CELF2: variants seen among roughly 807,000 people sequenced by gnomAD.
CELF2 encodes the protein CUG triplet repeat RNA-binding protein 2.
Under a neutral mutation model 62.6 loss-of-function variants are expected in CELF2, and 8 were observed. That is an observed-to-expected ratio of 0.13 (90% confidence interval 0.07 to 0.23). The LOEUF is 0.23. CELF2 is among the 10% of genes least tolerant of loss of function. CELF2 has a pLI of 1.00. For missense variants in CELF2, 333 were observed against 671.0 expected (o/e 0.50, Z 5.56); for synonymous variants, 258 against 250.0 (o/e 1.03, Z -0.30).
chr10:10,698,080 A>G, the CELF2 span, among the ~76,000 whole-genome samples: 1 of 152,324 alleles, frequency 6.6e-6, no homozygotes, highest in East Asian at 1.9e-4. Flanking sequence ...TAACATATCA[A>G]TTGGGGGGTG....
chr10:11,142,867 C>G, intron 1 of CELF2, among the ~76,000 whole-genome samples: 1 of 152,138 alleles, frequency 6.6e-6, no homozygotes. Flanking sequence ...TCTGTCCTCC[C>G]TCCACTGGGG....
At chr10:10,935,542 C>T (rs922144617) in intron 2 of CELF2, 10 of 152,132 alleles carry the variant, frequency 6.6e-5, no homozygotes, top group African/African-American at 1.2e-4. Context: ...TGTTGAGCCA[C>T]GAGGACTTCA....
rs2140026478 is a variant in CELF2, at chr10:11,297,580, A to C, written c.976+9028A>C. ...TTGAGTTGGGGAGTGGGTTCTCCCC[A>C]GACTGGCTGCTTCACTGCAGTGGTT... is the stretch of plus-strand genomic sequence containing the variant. On this transcript the variant is annotated intron_variant, in intron 9 of 12. Coordinates refer to ENST00000633077, the MANE Select transcript of CELF2 (RefSeq NM_001326342.2). The surrounding 1 kb of genome is among the most constrained non-coding windows in gnomAD (Gnocchi z 4.4). Among the ~76,000 whole-genome samples, 1 of 152,322 alleles carries C rather than the reference A, an allele frequency of 6.6e-6. No individual in the cohort carries two copies. Among genetic ancestry groups the C allele is most frequent in the South Asian group, 2.1e-4 (1 of 4,822 alleles).
chr10:11,094,764 T>C (rs772926430), intron 1 of CELF2, among the ~76,000 whole-genome samples: 1 of 152,204 alleles, frequency 6.6e-6, no homozygotes, highest in Non-Finnish European at 1.5e-5. Context: ...AGGAAGAATA[T>C]GTCCCTGACA....
At chr10:11,148,117 A>AG (rs1280903762) in intron 1 of CELF2, among the ~76,000 whole-genome samples, 1 of 152,270 alleles carries the variant, frequency 6.6e-6, no homozygotes, top group African/African-American at 2.4e-5. Flanking sequence ...TTGATAAGGA[A>AG]GGGGCTCCTC....
At chr10:10,528,711 C>G in the CELF2 span, among the ~76,000 whole-genome samples, 1 of 152,188 alleles carries the variant, frequency 6.6e-6, no homozygotes, top group South Asian at 2.1e-4. Flanking sequence ...AGCAATACTT[C>G]TTTAAGATCT....
Position 11,131,897 on chromosome 10 carries a change from G to A in CELF2, c.75-33589G>A, listed in dbSNP as rs563651960. On this transcript the variant is annotated intron_variant, in intron 1 of 12. Coordinates refer to ENST00000633077, the MANE Select transcript of CELF2 (RefSeq NM_001326342.2). ...CTGCATTATAACATGTAATCAAAGAGTTGAGTTTCTGTTAATTCATAGAGA... is the reference window on the plus strand; with the variant it reads ...CTGCATTATAACATGTAATCAAAGAATTGAGTTTCTGTTAATTCATAGAGA... Among the ~76,000 whole-genome samples the A allele has an allele frequency of 6.6e-5, 10 of 152,316 alleles. No homozygotes were observed. In the South Asian group the frequency reaches 1.9e-3, roughly 28 times the overall value.
intron 8 of CELF2, among the ~76,000 whole-genome samples, chr10:11,284,419 GGTA>G: frequency 6.7e-6 from 1 of 149,386 alleles, no homozygotes; most frequent in African/African-American, 2.5e-5. Context: ...ATGACTGTGT[GGTA>G]GGTGGATGAT....
the CELF2 span, among the ~76,000 whole-genome samples, chr10:10,484,403 G>T: frequency 7.5e-6 from 1 of 133,276 alleles, no homozygotes; most frequent in Non-Finnish European, 1.6e-5. Flanking sequence ...TGCAACCTCT[G>T]CCCCCTGGGT....
In CELF2 at chr10:10,957,374, G is replaced by A. The variant is rs550605681; in HGVS notation, c.89+37375G>A. On this transcript the variant is annotated intron_variant, in intron 2 of 13. Coordinates refer to the CELF2 transcript ENST00000636488. The surrounding 1 kb of genome is among the most constrained non-coding windows in gnomAD (Gnocchi z 4.1). ...TCTCCTCTGGGATTCATTCGCTCTC[G>A]CTGAAGGATGATCTCAGATGCCTTC... is the stretch of plus-strand genomic sequence containing the variant. Among the ~76,000 whole-genome samples the A allele has an allele frequency of 7.2e-5, 11 of 152,246 alleles. No individual in the cohort carries two copies. Among genetic ancestry groups the A allele is most frequent in the Admixed American group, 3.9e-4 (6 of 15,296 alleles).
intron 2 of CELF2, among the ~76,000 whole-genome samples, chr10:11,168,449 C>T (rs1394548147): frequency 2.0e-5 from 3 of 152,168 alleles, no homozygotes; most frequent in African/African-American, 7.2e-5. Context: ...AGCAACAGCC[C>T]CCACTTTATT....
the CELF2 span, among the ~76,000 whole-genome samples, chr10:10,475,492 GTAATTTTC>G: frequency 1.4e-5 from 2 of 147,092 alleles, no homozygotes; most frequent in African/African-American, 5.0e-5. Flanking sequence ...AAAAAAAAAA[GTAATTTTC>G]TACTTCCAGA....
At chr10:10,912,897 T>C (rs1343226791) in intron 1 of CELF2, among the ~76,000 whole-genome samples, 1 of 152,230 alleles carries the variant, frequency 6.6e-6, no homozygotes, top group Non-Finnish European at 1.5e-5. Context: ...TTCTTTTGTC[T>C]CATTTTTCTC....
At position 11,242,932 on chromosome 10, in the gene CELF2, G is replaced by A. The variant is rs1055146014; in HGVS notation, c.355-6221G>A. Among the ~76,000 whole-genome samples the A allele has an allele frequency of 5.3e-5, 8 of 152,266 alleles. No homozygotes were observed. Among genetic ancestry groups the A allele is most frequent in the African/African-American group, 9.6e-5 (4 of 41,542 alleles). ...CTACCAGGGCGACAGGGACGGAGGCGCCGGTGGCAACTGGTGCTGGGTCAG... is the reference window on the plus strand; with the variant it reads ...CTACCAGGGCGACAGGGACGGAGGCACCGGTGGCAACTGGTGCTGGGTCAG... On this transcript the variant is annotated intron_variant, in intron 3 of 12. Transcript: ENST00000633077. This position sits in a 1 kb window ranked among gnomAD's most constrained non-coding sequence, Gnocchi z 4.8.
chr10:11,042,753 C>G (rs898212506), intron 1 of CELF2, among the ~76,000 whole-genome samples: 5 of 152,140 alleles, frequency 3.3e-5, no homozygotes, highest in African/African-American at 1.2e-4. Context: ...ACTGGATTTG[C>G]CTGTTACATG....
chr10:11,321,242 G>A lies in CELF2; in HGVS notation c.1150G>A (p.Gly384Ser), dbSNP rs1023644865. ...TCTGAATGGAGGACTTGGCGCCACA[G>A]GCTTGACGAATGGCACGGCTGGCAC... The part of the protein sequence containing the change: ...AALNGGLGAT[G>S]LTNGTAGTMD... The change falls in exon 11 of 13, where the codon GGC becomes AGC. Residue 384 changes from glycine (G) to serine (S), a missense_variant. Physicochemically the swap from Gly to Ser is moderately conservative, Grantham distance 56 (BLOSUM62 0). Around this residue, in one of 3 missense-constraint regions of CELF2, gnomAD observed 253 missense variants for 503.0 expected, o/e 0.50. Coordinates refer to ENST00000633077, the MANE Select transcript of CELF2 (RefSeq NM_001326342.2). The surrounding 1 kb of genome is among the most constrained non-coding windows in gnomAD (Gnocchi z 6.2). The A allele has an allele frequency of 3.1e-6, 5 of 1,614,098 alleles. No homozygotes were observed. The highest frequency in any genetic ancestry group is 2.2e-5 in the East Asian group (1 of 44,888).
chr10:10,849,763 TTCTA>T (rs1337606778), intron 1 of CELF2, among the ~76,000 whole-genome samples: 9 of 152,122 alleles, frequency 5.9e-5, no homozygotes, highest in Non-Finnish European at 1.3e-4. Flanking sequence ...ACCAAATAGT[TTCTA>T]TCTTTGTGCA....
intron 1 of CELF2, among the ~76,000 whole-genome samples, chr10:10,813,206 C>G (rs1439256146): frequency 1.3e-5 from 2 of 152,198 alleles, no homozygotes; most frequent in African/African-American, 4.8e-5. Context: ...AGCTGGAGCT[C>G]TAATGTAAAT....
chr10:10,669,075 C>T, the CELF2 span, among the ~76,000 whole-genome samples: 2 of 152,132 alleles, frequency 1.3e-5, no homozygotes, highest in Admixed American at 6.5e-5. Flanking sequence ...TATTTTTATA[C>T]CCACCTTATT....
Sources: allele counts gnomAD v4.1 joint callset (sites outside exome capture counted in the v4.1 genomes callset), GRCh38; gene constraint gnomAD v4.1.1; regional missense constraint gnomAD v4.1.1; non-coding constraint Gnocchi (gnomAD v3.1); transcripts MANE v1.5; gene names NCBI Gene and HGNC (gene_info 2026-07-23, HGNC 2026-07-21).